Variants in AFF1 observed in about 807,000 individuals in gnomAD.
The protein encoded by AFF1 is ALF transcription elongation factor 1.
AFF1 carries 48 observed loss-of-function variants against 121.7 expected under a neutral mutation model. The ratio of observed to expected loss-of-function variants is 0.39; its 90% CI spans 0.31 to 0.50. The LOEUF is 0.50. AFF1 is among the 20% of genes least tolerant of loss of function. AFF1 has a pLI of 0.76. For synonymous variants in AFF1, 613 were observed against 563.0 expected (o/e 1.09, Z -1.26); for missense variants, 1,523 against 1,511.7 (o/e 1.01, Z -0.12).
At chr4:87,025,606 G>A (rs1388606861) in intron 2 of AFF1, among the ~76,000 whole-genome samples, 1 of 152,144 alleles carries the variant, frequency 6.6e-6, no homozygotes, top group Admixed American at 6.5e-5. Context: ...CCCTATCCCG[G>A]GGATATTTGG....
chr4:87,084,266 C>T (rs1723463361), intron 5 of AFF1, 102 bp downstream of exon 5: 9 of 1,287,522 alleles, frequency 7.0e-6, no homozygotes, highest in Middle Eastern at 2.1e-4. Context: ...TGGCTGGGTG[C>T]GGTGGCTCAT....
At chr4:87,055,614 C>T (rs1477853107) in intron 4 of AFF1, among the ~76,000 whole-genome samples, 1 of 152,130 alleles carries the variant, frequency 6.6e-6, no homozygotes, top group Non-Finnish European at 1.5e-5. Context: ...CATAGCCACC[C>T]GGGTCATTTT....
intron 1 of AFF1, among the ~76,000 whole-genome samples, chr4:86,946,800 CA>C (rs1396701377): frequency 1.9e-4 from 29 of 152,190 alleles, no homozygotes; most frequent in Non-Finnish European, 3.1e-4. Flanking sequence ...GATAGCCACC[CA>C]ACAGCCCAAC....
intron 2 of AFF1, chr4:87,007,380 G>A: frequency 6.2e-7 from 1 of 1,613,786 alleles, no homozygotes; most frequent in South Asian, 1.1e-5. Flanking sequence ...CTCATGGACG[G>A]AAGACCCCTG....
rs114491198 is a variant in AFF1 at position 87,003,071 on chromosome 4, C to G, written c.39-43095C>G. Among the ~76,000 whole-genome samples the G allele has an allele frequency of 2.4e-3, 358 of 152,118 alleles. 2 individuals are homozygous for G. Among genetic ancestry groups the G allele is most frequent in the African/African-American group, 8.2e-3 (340 of 41,502 alleles). Reference sequence around the variant, plus strand: ...TTAGCCACATACAGTATCCAAGTCACAAATCATTTCTCCTGTACTTAGTAA... The same window carrying G: ...TTAGCCACATACAGTATCCAAGTCAGAAATCATTTCTCCTGTACTTAGTAA... On this transcript the variant is annotated intron_variant, in intron 2 of 20. Transcript: ENST00000395146.
chr4:87,058,070 T>C lies in AFF1; in HGVS notation c.1059+10476T>C, dbSNP rs575917659. Among the ~76,000 whole-genome samples the C allele has an allele frequency of 2.0e-5, 3 of 152,324 alleles. No individual in the cohort carries two copies. In the South Asian group the frequency reaches 6.2e-4, roughly 32 times the overall value. The stretch of plus-strand genomic sequence containing the variant: ...TCCCCTTTAATTTCCAAAGCACTTA[T>C]TTGTTTCTCTCTTGATTATCACAGT... On this transcript the variant is annotated intron_variant, in intron 4 of 20. Transcript: ENST00000395146.
At chr4:86,991,478 T>G (rs1350244155) in intron 2 of AFF1, among the ~76,000 whole-genome samples, 16 of 151,902 alleles carry the variant, frequency 1.1e-4, no homozygotes, top group Admixed American at 1.0e-3. Context: ...GCAGCCAACA[T>G]ATATAGCCTT....
At chr4:87,124,029 C>T (rs937984981) in intron 12 of AFF1, among the ~76,000 whole-genome samples, 1 of 152,172 alleles carries the variant, frequency 6.6e-6, no homozygotes, top group African/African-American at 2.4e-5. Flanking sequence ...TCCTCCTGAA[C>T]CCAGAGCCAT....
rs1728788797 is a variant in AFF1 at position 87,131,131 on chromosome 4, T to G, written c.3013T>G (p.Phe1005Val). The G allele has an allele frequency of 6.2e-7, 1 of 1,614,216 alleles. No homozygotes were observed. Among genetic ancestry groups the G allele is most frequent in the Non-Finnish European group, 8.5e-7 (1 of 1,180,030 alleles). Residue 1005 changes from phenylalanine (F) to valine (V), a missense_variant, in exon 17 of 21, where the codon TTC (phenylalanine) becomes GTC (valine). By Grantham distance (50) the Phe-to-Val change is conservative. Coordinates refer to ENST00000395146, the MANE Select transcript of AFF1 (RefSeq NM_001166693.3). ...TAAGTACCTGGAAGCCGTCTTGTCC[T>G]TCATTGAGTGCGGAATTGCCACAGA... ...AFKYLEAVLS[F>V]IECGIATESE...
At chr4:87,064,562 T>G (rs780685157) in intron 4 of AFF1, among the ~76,000 whole-genome samples, 1 of 152,156 alleles carries the variant, frequency 6.6e-6, no homozygotes, top group Non-Finnish European at 1.5e-5. Flanking sequence ...GACAACATGG[T>G]GAGACTGTCT....
At chr4:86,949,994 A>G in intron 2 of AFF1, 1 of 1,614,086 alleles carries the variant, frequency 6.2e-7, no homozygotes, top group Non-Finnish European at 8.5e-7. Context: ...GATCACAAAG[A>G]TGGCGAGCGC....
chr4:86,970,174 A>G (rs1039631094), intron 2 of AFF1, among the ~76,000 whole-genome samples: 1 of 152,040 alleles, frequency 6.6e-6, no homozygotes, highest in East Asian at 1.9e-4. Context: ...TAATGTGCAT[A>G]TATCAATTTT....
chr4:87,006,150 T>G (rs892235593), intron 2 of AFF1, among the ~76,000 whole-genome samples: 1 of 152,326 alleles, frequency 6.6e-6, no homozygotes, highest in East Asian at 1.9e-4. Context: ...TATCTCTTTA[T>G]GAGACGGGCA....
chr4:87,034,731 G>T (rs1560559386), intron 2 of AFF1, among the ~76,000 whole-genome samples: 1 of 152,082 alleles, frequency 6.6e-6, no homozygotes, highest in East Asian at 1.9e-4. Context: ...TCTAAGAAAG[G>T]GTGTTGTCAG....
chr4:87,103,659 A>T (rs1204748973), intron 8 of AFF1, among the ~76,000 whole-genome samples: 2 of 152,224 alleles, frequency 1.3e-5, no homozygotes, highest in East Asian at 3.8e-4. Context: ...CCTGAAGAGG[A>T]AGTGGAGCCA....
intron 16 of AFF1, among the ~76,000 whole-genome samples, chr4:87,129,343 A>G (rs1728592019): frequency 6.6e-6 from 1 of 152,246 alleles, no homozygotes; most frequent in South Asian, 2.1e-4. Flanking sequence ...CTGATGAGTG[A>G]TGAGGGAAAC....
chr4:86,988,027 T>G (rs748338791), intron 2 of AFF1, among the ~76,000 whole-genome samples: 3 of 151,472 alleles, frequency 2.0e-5, no homozygotes, highest in Non-Finnish European at 4.4e-5. Flanking sequence ...AGTTTCTGAT[T>G]CAGTAGTTCT....
intron 2 of AFF1, among the ~76,000 whole-genome samples, chr4:87,008,541 T>C (rs941249834): frequency 6.6e-6 from 1 of 152,196 alleles, no homozygotes; most frequent in Non-Finnish European, 1.5e-5. Context: ...TGGTTCTTAA[T>C]CTGGGGCCAA....
intron 5 of AFF1, among the ~76,000 whole-genome samples, chr4:87,088,627 C>T (rs236987): frequency 0.42 from 64,022 of 151,530 alleles, 13,837 homozygotes; most frequent in South Asian, 0.5. Context: ...GTTGTTGAGA[C>T]GGAGTCTCGC....
Sources: gnomAD v4.1 joint callset for allele counts (sites outside exome capture counted in the v4.1 genomes callset) on GRCh38, gnomAD v4.1.1 for gene constraint, MANE v1.5 for transcripts, NCBI Gene and HGNC (gene_info 2026-07-23, HGNC 2026-07-21) for gene names.